The following DGLUCY variants were observed in gnomAD, a reference collection of about 807,000 sequenced individuals.
DGLUCY encodes D-glutamate cyclase, mitochondrial.
A neutral mutation model predicts 58.5 loss-of-function variants in DGLUCY; 58 were observed. The observed-to-expected ratio is 0.99, with a 90% CI of 0.80 to 1.23. DGLUCY has a LOEUF of 1.23. DGLUCY is among the 50% of genes most tolerant of loss of function. The probability of loss-of-function intolerance (pLI) is 0.00; values close to 1 mark genes in which losing one functional copy is unlikely to be tolerated. For missense variants in DGLUCY, 779 were observed against 784.7 expected, an observed-to-expected ratio of 0.99 and a Z score of 0.09; for synonymous variants, 325 against 314.1, an observed-to-expected ratio of 1.03 and a Z score of -0.37.
At chr14:91,222,225 A>T (rs1266857370) in intron 13 of DGLUCY, among the ~76,000 whole-genome samples, 2 of 152,218 alleles carry the variant, frequency 1.3e-5, no homozygotes, top group African/African-American at 4.8e-5. Context: ...ATTTGCAGGG[A>T]GTAGCTGTTG....
chr14:91,173,289 A>G lies in DGLUCY; in HGVS notation c.457A>G (p.Thr153Ala). 2 of 1,607,460 alleles carry G rather than the reference A, an allele frequency of 1.2e-6. No homozygotes were observed. The change falls in exon 6 of 14, where the codon ACA (threonine) becomes GCA (alanine). Residue 153 changes from threonine (T) to alanine (A), a missense_variant and splice_region_variant. Physicochemically the swap from Thr to Ala is moderately conservative, Grantham distance 58. Coordinates refer to ENST00000256324, the MANE Select transcript of DGLUCY (RefSeq NM_001102368.3). ...TTGATTTTTTTTTTTTTTTGGTCAG[A>G]CAACAGTGCCTTGTGTTACCCATGC... is the stretch of plus-strand genomic sequence containing the variant. ...AGHSQAGAYK[T>A]TVPCVTHAGF... is the part of the protein sequence containing the mutation.
At chr14:91,167,629 C>T (rs2048356573) in intron 4 of DGLUCY, 1 of 708,536 alleles carries the variant, frequency 1.4e-6, no homozygotes, top group Admixed American at 2.0e-5. Flanking sequence ...TGGAGAAATC[C>T]CACTGGCTCT....
chr14:91,224,978 GC>G lies in DGLUCY; in HGVS notation c.*148del. ...ACTCGCCTGGCCTGGGAAACTGCATGCCCACTTTCTGGGAGGGGTTAGTGCA... is the reference window on the plus strand; with the variant it reads ...ACTCGCCTGGCCTGGGAAACTGCATGCCACTTTCTGGGAGGGGTTAGTGCA... On this transcript the variant is annotated 3_prime_UTR_variant, in exon 14 of 14. Coordinates refer to ENST00000256324, the MANE Select transcript of DGLUCY (RefSeq NM_001102368.3). 1 of 949,330 alleles carries G rather than the reference GC, an allele frequency of 1.1e-6. No homozygotes were observed. Among genetic ancestry groups the G allele is most frequent in the Non-Finnish European group, 1.5e-6 (1 of 679,512 alleles). 58.8% of individuals were successfully genotyped at this position (949,330 alleles called of 1,614,324 possible).
At chr14:91,205,615 G>T (rs1884438947) in intron 12 of DGLUCY, among the ~76,000 whole-genome samples, 1 of 152,146 alleles carries the variant, frequency 6.6e-6, no homozygotes, top group Admixed American at 6.5e-5. Flanking sequence ...CGACCCAGTG[G>T]TCTGGGGGCC....
intron 5 of DGLUCY, among the ~76,000 whole-genome samples, chr14:91,170,659 G>A (rs927155242): frequency 6.6e-6 from 1 of 152,132 alleles, no homozygotes; most frequent in African/African-American, 2.4e-5. Flanking sequence ...TTGGCCGGAG[G>A]TGGCCTCTGG....
chr14:91,192,815 A>G (rs2049978939), intron 9 of DGLUCY, among the ~76,000 whole-genome samples: 1 of 152,184 alleles, frequency 6.6e-6, no homozygotes, highest in South Asian at 2.1e-4. Context: ...AAATAAATAA[A>G]TAAAAAGGCT....
intron 12 of DGLUCY, among the ~76,000 whole-genome samples, chr14:91,214,307 C>T (rs1886182330): frequency 6.6e-6 from 1 of 152,070 alleles, no homozygotes; most frequent in Non-Finnish European, 1.5e-5. Flanking sequence ...CTTACCAGGC[C>T]CTTCATCAAT....
At chr14:91,142,971 A>G (rs1314798275) in intron 1 of DGLUCY, among the ~76,000 whole-genome samples, 1 of 138,446 alleles carries the variant, frequency 7.2e-6, no homozygotes, top group Non-Finnish European at 1.5e-5. Flanking sequence ...CGGAAGTTGC[A>G]GTGAGCCGAG....
At position 91,207,126 on chromosome 14, in the gene DGLUCY, T is replaced by G. The variant is rs952007899; in HGVS notation, c.1564+2301T>G. ...GTGAGCTGTGATTGAGCCATTGTAC[T>G]CCAGCCTGGATGACAGAGCAAGACA... On this transcript the variant is annotated intron_variant, in intron 12 of 13. Coordinates refer to ENST00000256324, the MANE Select transcript of DGLUCY (RefSeq NM_001102368.3). 3.3e-5 allele frequency among the ~76,000 whole-genome samples: 4 copies of G among 121,140 alleles called. No individual in the cohort carries two copies. The Admixed American group carries it at 4.9e-4, about 15-fold the overall frequency. 79.5% of individuals were successfully genotyped at this position (121,140 alleles called of 152,430 possible).
upstream of DGLUCY, among the ~76,000 whole-genome samples, chr14:91,104,064 T>TCTTTTTTTTTTC (rs2044540847): frequency 8.8e-6 from 1 of 113,962 alleles, no homozygotes; most frequent in East Asian, 2.5e-4. Flanking sequence ...AAACATTCTT[T>TCTTTTTTTTTTC]TTTTTTTTTT....
chr14:91,080,434 G>A (rs751606859), intron 1 of DGLUCY, among the ~76,000 whole-genome samples: 4 of 152,040 alleles, frequency 2.6e-5, no homozygotes, highest in South Asian at 2.1e-4. Flanking sequence ...GAAATGGCAC[G>A]ATCTCAGCTC....
intron 1 of DGLUCY, among the ~76,000 whole-genome samples, chr14:91,080,623 C>A (rs1410785073): frequency 6.6e-6 from 1 of 152,162 alleles, no homozygotes; most frequent in Admixed American, 6.5e-5. Context: ...CCCACCTTGG[C>A]TTCCCAAAGT....
intron 1 of DGLUCY, among the ~76,000 whole-genome samples, chr14:91,094,377 G>T (rs1430879966): frequency 6.6e-6 from 1 of 151,774 alleles, no homozygotes. Flanking sequence ...GGAGGTTGCA[G>T]TGAGCCAAGA....
intron 1 of DGLUCY, among the ~76,000 whole-genome samples, chr14:91,141,553 A>ATT (rs71120118): frequency 0.39 from 53,768 of 138,086 alleles, 12,792 homozygotes; most frequent in South Asian, 0.51. Context: ...AGAGAGGTTA[A>ATT]TTTTTTTTTT....
chr14:91,099,081 T>G (rs138399908), intron 1 of DGLUCY, among the ~76,000 whole-genome samples: 67 of 152,294 alleles, frequency 4.4e-4, no homozygotes, highest in African/African-American at 1.5e-3. Flanking sequence ...TGAGAGAAGA[T>G]GAAGAGCCGA....
chr14:91,160,226 C>T, intron 2 of DGLUCY, 40 bp from the exon 3 acceptor site: 1 of 1,261,884 alleles, frequency 7.9e-7, no homozygotes, highest in Non-Finnish European at 1.2e-6. Context: ...CTTCAGGGGG[C>T]CACACTTTCT....
At chr14:91,220,577 C>T (rs1304645288) in intron 13 of DGLUCY, 2 of 456,218 alleles carry the variant, frequency 4.4e-6, no homozygotes, top group Non-Finnish European at 8.8e-6. Context: ...CTCCAGATGC[C>T]ATGTGGCGTC....
intron 1 of DGLUCY, among the ~76,000 whole-genome samples, chr14:91,134,458 G>C (rs1405550975): frequency 6.7e-6 from 1 of 149,544 alleles, no homozygotes; most frequent in African/African-American, 2.5e-5. Flanking sequence ...TTTTTTCTGG[G>C]ATAGAGTCTC....
At chr14:91,161,272 G>GT (rs1404349836) in intron 3 of DGLUCY, among the ~76,000 whole-genome samples, 1 of 152,142 alleles carries the variant, frequency 6.6e-6, no homozygotes, top group African/African-American at 2.4e-5. Context: ...GGGTTTCACC[G>GT]TGTTAGCCAG....
Sources: allele counts gnomAD v4.1 joint callset (sites outside exome capture counted in the v4.1 genomes callset), GRCh38; gene constraint gnomAD v4.1.1; transcripts MANE v1.5; gene names NCBI Gene and HGNC (gene_info 2026-07-23, HGNC 2026-07-21).